PARP9: variants seen among roughly 807,000 people sequenced by gnomAD.
The protein encoded by PARP9 is protein mono-ADP-ribosyltransferase PARP9.
Under a neutral mutation model 68.8 loss-of-function variants are expected in PARP9, and 48 were observed. That is an observed-to-expected ratio of 0.70 (90% CI 0.55 to 0.89). PARP9 has a LOEUF of 0.89. PARP9 is among the 40% of genes least tolerant of loss of function. PARP9 has a pLI of 0.00. For synonymous variants in PARP9, 309 were observed against 333.8 expected, an observed-to-expected ratio of 0.93 and a Z score of 0.81; for missense variants, 806 against 969.3, an observed-to-expected ratio of 0.83 and a Z score of 2.24.
intron 10 of PARP9, chr3:122,532,218 G>A: frequency 1.0e-6 from 1 of 985,438 alleles, no homozygotes; most frequent in Non-Finnish European, 1.2e-6. Context: ...TTTCCTGTGT[G>A]GCAGGAGGAA....
rs138029540 is a variant in PARP9, at chr3:122,558,955, T to C, written c.16-488A>G. ...GTCTCGAACTACTGATTTCAAGTGA[T>C]CCTCCTGGCTTCAGCCTCTGTAGTA... On this transcript the variant is annotated intron_variant, in intron 2 of 10. Transcript: ENST00000682323. Among the ~76,000 whole-genome samples the C allele has an allele frequency of 5.1e-3, 776 of 152,290 alleles. 3 individuals are homozygous for C. Among genetic ancestry groups the C allele is most frequent in the Non-Finnish European group, 8.5e-3 (575 of 68,024 alleles).
intron 8 of PARP9, among the ~76,000 whole-genome samples, 193 bp from the exon 9 acceptor site, chr3:122,537,266 T>C (rs1281310059): frequency 6.6e-6 from 1 of 152,190 alleles, no homozygotes; most frequent in Non-Finnish European, 1.5e-5. Context: ...AATAAATTTG[T>C]CTTTGGATGA....
intron 10 of PARP9, chr3:122,532,503 C>G: frequency 2.3e-6 from 2 of 863,720 alleles, no homozygotes; most frequent in South Asian, 5.3e-5. Flanking sequence ...CTGAGTTCAC[C>G]TTGAACTGTC....
At chr3:122,561,709 A>G (rs779574069) in intron 1 of PARP9, among the ~76,000 whole-genome samples, 39 of 152,238 alleles carry the variant, frequency 2.6e-4, no homozygotes, top group Admixed American at 7.8e-4. Context: ...GATTCTGTCT[A>G]AGGCGTTTTT....
intron 5 of PARP9, among the ~76,000 whole-genome samples, chr3:122,551,239 A>G (rs955433766): frequency 6.6e-6 from 1 of 152,206 alleles, no homozygotes; most frequent in Non-Finnish European, 1.5e-5. Flanking sequence ...CTCTTGGAGA[A>G]ATGCTAATAT....
intron 5 of PARP9, among the ~76,000 whole-genome samples, chr3:122,551,950 C>G (rs1395430777): frequency 6.6e-6 from 1 of 152,184 alleles, no homozygotes; most frequent in Non-Finnish European, 1.5e-5. Context: ...GAGACAGTCT[C>G]TGTCACCCAG....
At chr3:122,562,154 T>C (rs1039363677) in intron 1 of PARP9, among the ~76,000 whole-genome samples, 2 of 141,352 alleles carry the variant, frequency 1.4e-5, no homozygotes, top group Non-Finnish European at 3.1e-5. Flanking sequence ...TGTGGCAATA[T>C]ACTCTTTTCT....
At chr3:122,534,060 C>T in intron 10 of PARP9, 1 of 985,466 alleles carries the variant, frequency 1.0e-6, no homozygotes, top group Middle Eastern at 5.2e-4. Context: ...TCTGAATTGC[C>T]TCAAGGCAGT....
chr3:122,534,194 T>C, intron 10 of PARP9: 2 of 812,308 alleles, frequency 2.5e-6, no homozygotes, highest in South Asian at 5.7e-5. Flanking sequence ...GACATAAACT[T>C]AACCAGAAGA....
intron 1 of PARP9, 54 bp downstream of exon 1, chr3:122,564,191 T>A (rs972168189): frequency 6.0e-6 from 3 of 498,662 alleles, no homozygotes; most frequent in Non-Finnish European, 1.0e-5. Flanking sequence ...CCCGCCCACC[T>A]CGAGCCTGCA....
intron 2 of PARP9, among the ~76,000 whole-genome samples, 175 bp downstream of exon 2, chr3:122,559,431 C>T (rs1048324922): frequency 1.3e-5 from 2 of 152,202 alleles, no homozygotes; most frequent in African/African-American, 4.8e-5. Flanking sequence ...ATTAGATTAG[C>T]ATATTCTTGA....
chr3:122,552,327 A>C, intron 5 of PARP9, 91 bp downstream of exon 5: 2 of 985,254 alleles, frequency 2.0e-6, no homozygotes, highest in East Asian at 5.1e-5. Context: ...AAAATATTTC[A>C]TGAATGTAAT....
At chr3:122,535,865 C>A in intron 10 of PARP9, 9 of 1,117,090 alleles carry the variant, frequency 8.1e-6, no homozygotes, top group African/African-American at 1.7e-5. Flanking sequence ...AAAAAAGCCT[C>A]AACGTGTTCT....
chr3:122,535,104 A>G, intron 10 of PARP9: 1 of 983,796 alleles, frequency 1.0e-6, no homozygotes, highest in Non-Finnish European at 1.2e-6. Flanking sequence ...GATCTTAATG[A>G]AAGTAATTTA....
chr3:122,551,662 G>A (rs1167130294), intron 5 of PARP9, among the ~76,000 whole-genome samples: 1 of 152,158 alleles, frequency 6.6e-6, no homozygotes, highest in East Asian at 1.9e-4. Flanking sequence ...TCCACTGCAG[G>A]CATGGGTGGG....
intron 10 of PARP9, chr3:122,532,835 A>G (rs1002567299): frequency 6.6e-6 from 1 of 152,284 alleles, no homozygotes; most frequent in Non-Finnish European, 1.5e-5. Flanking sequence ...GGATAGAGGC[A>G]TGAAAGTAAA....
intron 8 of PARP9, among the ~76,000 whole-genome samples, chr3:122,539,568 T>TCTCTCTCTCTCTCTCTCTCTCTCTC: frequency 8.1e-6 from 1 of 123,220 alleles, no homozygotes; most frequent in African/African-American, 3.0e-5. Context: ...TCTTTCTTTC[T>TCTCTCTCTCTCTCTCTCTCTCTCTC]TTTTTTTTTG....
At chr3:122,548,397 C>A (rs758166994) in intron 6 of PARP9, among the ~76,000 whole-genome samples, 1 of 152,220 alleles carries the variant, frequency 6.6e-6, no homozygotes. Context: ...TATCCAAAAT[C>A]CAGACACATG....
At chr3:122,562,175 TTTCTTTTCTTTTCTTTTC>T (rs1413906196) in intron 1 of PARP9, among the ~76,000 whole-genome samples, 15 of 135,014 alleles carry the variant, frequency 1.1e-4, no homozygotes, top group Non-Finnish European at 2.2e-4. Context: ...TTTCTTTTCT[TTTCTTTTCTTTTCTTTTC>T]TTTTCTTTTC....
Sources: allele counts gnomAD v4.1 joint callset (sites outside exome capture counted in the v4.1 genomes callset), GRCh38; gene constraint gnomAD v4.1.1; transcripts MANE v1.5; gene names NCBI Gene and HGNC (gene_info 2026-07-23, HGNC 2026-07-21).